Variants in KLF16 observed in about 807,000 individuals in gnomAD.
KLF16 encodes the protein Krueppel-like factor 16.
Under a neutral mutation model 6.1 loss-of-function variants are expected in KLF16, and 6 were observed. The observed-to-expected ratio is 0.98, with a 90% CI of 0.54 to 1.93. KLF16 has a LOEUF of 1.93. Among genes scored for constraint, KLF16 ranks in the 30% most tolerant of loss-of-function variants. KLF16 has a pLI of 0.01. For synonymous variants in KLF16, 211 were observed against 176.5 expected (o/e 1.20, Z -1.55); for missense variants, 355 against 363.8 (o/e 0.98, Z 0.20).
chr19:1,857,455 C>G lies in KLF16; in HGVS notation c.458-2695G>C, dbSNP rs1021044464. On this transcript the variant is annotated intron_variant, in intron 1 of 1. Transcript: ENST00000250916. The surrounding 1 kb of genome is among the most constrained non-coding windows in gnomAD (Gnocchi z 4.7). ...GTGGGCGGGGCCGCGGTGGACTTGA[C>G]CCTCTGACTCAGGCTGGGCCCGGGT... Among the ~76,000 whole-genome samples the G allele has an allele frequency of 6.6e-6, 1 of 152,188 alleles. No homozygotes were observed. Among genetic ancestry groups the G allele is most frequent in the Non-Finnish European group, 1.5e-5 (1 of 68,018 alleles).
At chr19:1,871,163 T>G in the KLF16 span, among the ~76,000 whole-genome samples, 1 of 152,194 alleles carries the variant, frequency 6.6e-6, no homozygotes, top group Admixed American at 6.5e-5. Flanking sequence ...CTGCAGAGCC[T>G]CACAGATGGG....
the KLF16 span, among the ~76,000 whole-genome samples, chr19:1,873,308 C>G: frequency 1.3e-5 from 2 of 152,322 alleles, no homozygotes; most frequent in African/African-American, 4.8e-5. Flanking sequence ...TGGGGAGCAG[C>G]TGGAGGGTGC....
chr19:1,863,076 G>A lies in KLF16; in HGVS notation c.422C>T (p.Ser141Phe), dbSNP rs1276105930. 2.1e-6 allele frequency: 3 copies of A among 1,417,362 alleles called. No individual in the cohort carries two copies. Among genetic ancestry groups the A allele is most frequent in the Non-Finnish European group, 2.8e-6 (3 of 1,067,984 alleles). The allele number at this position is 1,417,362 out of a possible 1,614,324, so 87.8% of individuals were successfully genotyped here. The change falls in exon 1 of 2, where the codon TCC becomes TTC. Residue 141 changes from serine (S) to phenylalanine (F), a missense_variant. By Grantham distance (155) the Ser-to-Phe change is radical (BLOSUM62 -2). Coordinates refer to ENST00000250916, the MANE Select transcript of KLF16 (RefSeq NM_031918.4). ...FPDCAKAYYK[S>F]SHLKSHLRTH... ...CCGCAGGTGCGACTTTAGGTGCGAGGACTTGTAGTAGGCTTTGGCGCAGTC... is the reference window on the plus strand; with the variant it reads ...CCGCAGGTGCGACTTTAGGTGCGAGAACTTGTAGTAGGCTTTGGCGCAGTC...
At chr19:1,856,611 A>G (rs2011954492) in intron 1 of KLF16, among the ~76,000 whole-genome samples, 1 of 152,182 alleles carries the variant, frequency 6.6e-6, no homozygotes, top group African/African-American at 2.4e-5. Flanking sequence ...GGGGCCGTCT[A>G]CAACCCAAGC....
Position 1,853,297 on chromosome 19 carries a change from A to C in KLF16, c.*1162T>G, listed in dbSNP as rs2011873784. 6.6e-6 allele frequency: 1 copy of C among 151,888 alleles called. No homozygotes were observed. Among genetic ancestry groups the C allele is most frequent in the African/African-American group, 2.4e-5 (1 of 41,272 alleles). The allele number at this position is 151,888 out of a possible 1,614,324, so 9.4% of individuals were successfully genotyped here. ...CCTGAAAAAATATTCTACCCGGTGC[A>C]AAAAAAACGAGCTACCCCAGGAGGC... is the stretch of plus-strand genomic sequence containing the variant. On this transcript the variant is annotated 3_prime_UTR_variant, in exon 2 of 2. Transcript: ENST00000250916.
chr19:1,876,372 A>G, the KLF16 span, among the ~76,000 whole-genome samples: 1 of 152,256 alleles, frequency 6.6e-6, no homozygotes, highest in Non-Finnish European at 1.5e-5. Flanking sequence ...TAAGGTGGAC[A>G]ACAGGCCACC....
At chr19:1,871,328 G>A in the KLF16 span, among the ~76,000 whole-genome samples, 224 of 152,294 alleles carry the variant, frequency 1.5e-3, no homozygotes, top group African/African-American at 5.1e-3. Flanking sequence ...ACCCAGGGCC[G>A]TAGCAGGAGG....
At chr19:1,874,219 T>A in the KLF16 span, among the ~76,000 whole-genome samples, 4 of 152,296 alleles carry the variant, frequency 2.6e-5, no homozygotes, top group South Asian at 8.3e-4. Context: ...ACTTGCCTGC[T>A]GTTCAGGAGA....
At chr19:1,863,722 C>T (rs1269392721), upstream of KLF16, among the ~76,000 whole-genome samples, 3 of 141,866 alleles carry the variant, frequency 2.1e-5, no homozygotes, top group African/African-American at 7.6e-5. Context: ...CGGAGGACGC[C>T]CCCTCGGGGC....
upstream of KLF16, among the ~76,000 whole-genome samples, chr19:1,864,835 C>T (rs2012159038): frequency 6.6e-6 from 1 of 152,132 alleles, no homozygotes; most frequent in African/African-American, 2.4e-5. Context: ...TGGGCGGCCC[C>T]CCTCGGTCGC....
At chr19:1,864,358 T>A (rs1332442330), upstream of KLF16, among the ~76,000 whole-genome samples, 1 of 152,102 alleles carries the variant, frequency 6.6e-6, no homozygotes, top group South Asian at 2.1e-4. Context: ...TTCTCTGGGG[T>A]TCCCCCTCGC....
upstream of KLF16, among the ~76,000 whole-genome samples, chr19:1,864,231 T>C (rs1237216832): frequency 2.7e-5 from 4 of 150,284 alleles, no homozygotes; most frequent in East Asian, 8.1e-4. Flanking sequence ...GTGGCCGGGG[T>C]TGGAGGGGTG....
upstream of KLF16, among the ~76,000 whole-genome samples, chr19:1,867,717 T>C (rs1049871996): frequency 6.7e-6 from 1 of 149,942 alleles, no homozygotes; most frequent in Non-Finnish European, 1.5e-5. Flanking sequence ...AGTACAAAAA[T>C]TAGCCAGGTG....
chr19:1,863,582 G>GGGAGGC, upstream of KLF16: 1 of 562,248 alleles, frequency 1.8e-6, no homozygotes, highest in Non-Finnish European at 2.2e-6. Flanking sequence ...GCTCGAGTGC[G>GGGAGGC]GGAGGCGGAG....
At chr19:1,874,939 G>A in the KLF16 span, 1 of 152,162 alleles carries the variant, frequency 6.6e-6, no homozygotes, top group African/African-American at 2.4e-5. Flanking sequence ...CGAAACGACT[G>A]TCAGTGGTAA....
At chr19:1,876,169 T>G in the KLF16 span, 1 of 152,716 alleles carries the variant, frequency 6.5e-6, no homozygotes, top group Non-Finnish European at 1.5e-5. Context: ...CCGTCTCCAC[T>G]GCCGCACGCA....
upstream of KLF16, among the ~76,000 whole-genome samples, chr19:1,867,495 C>T (rs1015169178): frequency 6.6e-6 from 1 of 151,160 alleles, no homozygotes; most frequent in East Asian, 2.0e-4. Context: ...GGATTGCTTG[C>T]GGCCCCGAGG....
upstream of KLF16, among the ~76,000 whole-genome samples, chr19:1,863,968 G>A (rs1376934690): frequency 7.8e-6 from 1 of 127,580 alleles, no homozygotes; most frequent in Non-Finnish European, 1.7e-5. Flanking sequence ...ACCCTTTCCC[G>A]GAGCACCACC....
chr19:1,869,049 A>G, the KLF16 span, among the ~76,000 whole-genome samples: 2 of 152,200 alleles, frequency 1.3e-5, no homozygotes, highest in Non-Finnish European at 2.9e-5. Context: ...TAAGAGACTC[A>G]AGAGACATAA....
Sources: gnomAD v4.1 joint callset for allele counts (sites outside exome capture counted in the v4.1 genomes callset) on GRCh38, gnomAD v4.1.1 for gene constraint, Gnocchi (gnomAD v3.1) non-coding constraint, MANE v1.5 for transcripts, NCBI Gene and HGNC (gene_info 2026-07-23, HGNC 2026-07-21) for gene names.